Variants in COG6 observed in about 807,000 individuals in gnomAD.
COG6 encodes the protein component of oligomeric golgi complex 6, also known as conserved oligomeric Golgi complex subunit 6.
Under a neutral mutation model 88.8 loss-of-function variants are expected in COG6, and 74 were observed. The observed-to-expected ratio is 0.83, with a 90% confidence interval of 0.69 to 1.01. COG6 has a LOEUF of 1.01. Ranked by LOEUF, COG6 falls within the 50% of genes least tolerant of loss-of-function variation. The pLI is 0.00. For missense variants in COG6, 800 were observed against 797.9 expected, an observed-to-expected ratio of 1.00 and a Z score of -0.03; for synonymous variants, 286 against 278.7, an observed-to-expected ratio of 1.03 and a Z score of -0.26.
At position 39,687,531 on chromosome 13, in the gene COG6, A is replaced by G; in HGVS notation, c.817A>G (p.Arg273Gly). Residue 273 changes from arginine (R) to glycine (G), a missense_variant, in exon 9 of 19, where the codon AGA (arginine) becomes GGA (glycine). By Grantham distance (125) the Arg-to-Gly change is moderately radical. Transcript: ENST00000455146. The part of the protein sequence containing the change: ...KYTLDEFGTA[R>G]RSTVVRGFID... ...TACCTTAGATGAATTTGGAACAGCC[A>G]GAAGAAGTACAGTTGTTCGTGGATT... 1 of 1,613,524 alleles carries G rather than the reference A, an allele frequency of 6.2e-7. No individual in the cohort carries two copies. Among genetic ancestry groups the G allele is most frequent in the Non-Finnish European group, 8.5e-7 (1 of 1,179,616 alleles).
chr13:39,672,223 TAATA>T (rs1481719815), intron 4 of COG6, among the ~76,000 whole-genome samples: 1 of 152,036 alleles, frequency 6.6e-6, no homozygotes, highest in African/African-American at 2.4e-5. Context: ...ACAGTTATAA[TAATA>T]CATGTAATTG....
chr13:39,659,593 A>C (rs1874767647), intron 2 of COG6, 86 bp downstream of exon 2: 2 of 1,177,340 alleles, frequency 1.7e-6, no homozygotes, highest in East Asian at 2.4e-5. Flanking sequence ...AATTAGGTTG[A>C]TATGTTTGCT....
At chr13:39,726,464 A>T (rs935529430) in intron 17 of COG6, among the ~76,000 whole-genome samples, 6 of 151,960 alleles carry the variant, frequency 3.9e-5, no homozygotes, top group African/African-American at 1.2e-4. Flanking sequence ...CCTTCATTCT[A>T]TCAGTAACCA....
rs772292354 is a variant in COG6 at position 39,689,834 on chromosome 13, T to G, written c.1074+10T>G. On this transcript the variant is annotated intron_variant, in intron 11 of 18. Coordinates refer to ENST00000455146, the MANE Select transcript of COG6 (RefSeq NM_020751.3). ...GTGCAGGCCTCTAAAGGTAAAATAT[T>G]TTGTTTTTACATATGCTATATGGTA... 1.3e-6 allele frequency: 2 copies of G among 1,593,992 alleles called. No homozygotes were observed. The highest frequency in any genetic ancestry group is 8.6e-7 in the Non-Finnish European group (1 of 1,162,918).
At chr13:39,746,591 T>A (rs1380810437) in intron 18 of COG6, among the ~76,000 whole-genome samples, 1 of 152,214 alleles carries the variant, frequency 6.6e-6, no homozygotes, top group East Asian at 1.9e-4. Flanking sequence ...ATTTTGGACA[T>A]TGATTATTTG....
At chr13:39,685,776 G>A (rs981392569) in intron 8 of COG6, among the ~76,000 whole-genome samples, 6 of 152,144 alleles carry the variant, frequency 3.9e-5, no homozygotes, top group Non-Finnish European at 8.8e-5. Context: ...AAATAGCAAT[G>A]AGCATTTTGG....
intron 13 of COG6, among the ~76,000 whole-genome samples, chr13:39,706,665 G>C (rs567819822): frequency 7.4e-4 from 112 of 152,130 alleles, no homozygotes; most frequent in Non-Finnish European, 4.7e-4. Flanking sequence ...TAGCTTAAAT[G>C]CTTTTTTTAA....
intron 18 of COG6, among the ~76,000 whole-genome samples, chr13:39,775,897 G>A (rs1881449672): frequency 6.6e-6 from 1 of 151,790 alleles, no homozygotes; most frequent in Non-Finnish European, 1.5e-5. Context: ...AGCCTCCCAA[G>A]TAGCTGGGAT....
At chr13:39,719,464 CTCTT>C (rs199617496) in intron 14 of COG6, 97 bp downstream of exon 14, 96,890 of 1,256,588 alleles carry the variant, frequency 0.077, 4,423 homozygotes, top group Non-Finnish European at 0.091. Context: ...CTTTGACAGT[CTCTT>C]TCTTACTGTT....
chr13:39,778,407 G>A (rs546670037), intron 18 of COG6, among the ~76,000 whole-genome samples: 6 of 152,284 alleles, frequency 3.9e-5, no homozygotes, highest in African/African-American at 1.4e-4. Context: ...GTGCATTATT[G>A]ATTTCTAAGT....
chr13:39,758,721 C>T (rs181184258), intron 18 of COG6, among the ~76,000 whole-genome samples: 3 of 152,212 alleles, frequency 2.0e-5, no homozygotes, highest in Non-Finnish European at 2.9e-5. Flanking sequence ...CAATTCTATG[C>T]CTAGGCTTTT....
intron 4 of COG6, among the ~76,000 whole-genome samples, chr13:39,668,287 C>T (rs974396784): frequency 6.6e-6 from 1 of 152,054 alleles, no homozygotes; most frequent in East Asian, 1.9e-4. Flanking sequence ...TAACAATATC[C>T]CAGGTATTTT....
intron 7 of COG6, among the ~76,000 whole-genome samples, chr13:39,681,852 T>A (rs1876335599): frequency 6.6e-6 from 1 of 152,152 alleles, no homozygotes; most frequent in Admixed American, 6.5e-5. Flanking sequence ...AATACTGTCA[T>A]GTATATGGCA....
At chr13:39,785,568 G>A (rs1198381175) in intron 18 of COG6, 1 of 152,114 alleles carries the variant, frequency 6.6e-6, no homozygotes, top group Non-Finnish European at 1.5e-5. Flanking sequence ...CTATTCAGGA[G>A]TTCTCTCGTA....
At chr13:39,694,844 GC>G (rs1877178231) in intron 12 of COG6, 119 bp downstream of exon 12, 1 of 583,486 alleles carries the variant, frequency 1.7e-6, no homozygotes, top group Admixed American at 2.9e-5. Flanking sequence ...TATAGACTAA[GC>G]GTAACTAGTA....
chr13:39,721,229 G>A (rs558196434), intron 15 of COG6, among the ~76,000 whole-genome samples: 1 of 152,042 alleles, frequency 6.6e-6, no homozygotes, highest in South Asian at 2.1e-4. Flanking sequence ...GTGTTCCATA[G>A]CTATTTTACG....
intron 18 of COG6, among the ~76,000 whole-genome samples, chr13:39,760,440 C>G (rs1880976184): frequency 6.6e-6 from 1 of 151,840 alleles, no homozygotes; most frequent in South Asian, 2.1e-4. Context: ...TATAAGCAAG[C>G]CAAGCATTAA....
intron 18 of COG6, among the ~76,000 whole-genome samples, chr13:39,729,173 C>T (rs1020655439): frequency 6.6e-6 from 1 of 152,136 alleles, no homozygotes; most frequent in Non-Finnish European, 1.5e-5. Context: ...GCAGGGGTCC[C>T]CAACCCCGGG....
chr13:39,753,710 T>G (rs1382551746), downstream of COG6, among the ~76,000 whole-genome samples: 2 of 152,160 alleles, frequency 1.3e-5, no homozygotes, highest in Non-Finnish European at 2.9e-5. Flanking sequence ...TATTAGATCC[T>G]TCTGTCTCTG....
Sources: allele counts gnomAD v4.1 joint callset (sites outside exome capture counted in the v4.1 genomes callset), GRCh38; gene constraint gnomAD v4.1.1; transcripts MANE v1.5; gene names NCBI Gene and HGNC (gene_info 2026-07-23, HGNC 2026-07-21).